The following DENND2C variants were observed in gnomAD, a reference collection of about 807,000 sequenced individuals.
DENND2C encodes the protein DENN domain containing 2C, also known as DENN domain-containing protein 2C.
DENND2C carries 72 observed loss-of-function variants against 112.4 expected under a neutral mutation model. That is an observed-to-expected ratio of 0.64 (90% CI 0.53 to 0.78). The LOEUF (loss-of-function observed/expected upper bound fraction) is 0.78, where lower values mean the gene tolerates loss of function less well. Among genes scored for constraint, DENND2C ranks in the 30% least tolerant of loss-of-function variants. The pLI is 0.00. For missense variants in DENND2C, 992 were observed against 1,113.8 expected (o/e 0.89, Z 1.56); for synonymous variants, 329 against 381.6 (o/e 0.86, Z 1.61).
chr1:114,633,714 C>T (rs763044243), intron 3 of DENND2C, among the ~76,000 whole-genome samples: 3 of 151,810 alleles, frequency 2.0e-5, no homozygotes, highest in Admixed American at 6.6e-5. Context: ...ACCCTAAGAA[C>T]GGTAACAACA....
At chr1:114,593,481 T>C (rs1316402014) in intron 18 of DENND2C, among the ~76,000 whole-genome samples, 1 of 152,196 alleles carries the variant, frequency 6.6e-6, no homozygotes, top group Non-Finnish European at 1.5e-5. Flanking sequence ...TTTTTATTAC[T>C]CCTCTAAATC....
intron 3 of DENND2C, among the ~76,000 whole-genome samples, chr1:114,644,315 ATTTG>A (rs1485665099): frequency 1.3e-5 from 2 of 151,994 alleles, no homozygotes; most frequent in Non-Finnish European, 2.9e-5. Context: ...TGTGTTATTT[ATTTG>A]TTTACTTCTC....
intron 8 of DENND2C, among the ~76,000 whole-genome samples, chr1:114,617,132 C>T (rs1405573410): frequency 1.3e-5 from 2 of 152,112 alleles, no homozygotes; most frequent in Non-Finnish European, 2.9e-5. Flanking sequence ...TATGGGAATT[C>T]TGGGAGATAT....
At chr1:114,659,187 C>G (rs1355243613) in intron 1 of DENND2C, among the ~76,000 whole-genome samples, 1 of 152,108 alleles carries the variant, frequency 6.6e-6, no homozygotes, top group Non-Finnish European at 1.5e-5. Context: ...AAACTTTCTT[C>G]ACTGATAATG....
chr1:114,637,832 T>C (rs1262894541), intron 3 of DENND2C, among the ~76,000 whole-genome samples: 1 of 152,124 alleles, frequency 6.6e-6, no homozygotes, highest in Non-Finnish European at 1.5e-5. Flanking sequence ...TTCAACTTTG[T>C]TACTATAAAA....
intron 10 of DENND2C, among the ~76,000 whole-genome samples, chr1:114,606,222 T>G (rs1359180281): frequency 6.6e-6 from 1 of 152,006 alleles, no homozygotes; most frequent in Non-Finnish European, 1.5e-5. Context: ...TCCTTTAATT[T>G]CTTAAAAAAA....
At chr1:114,590,305 G>A (rs538860315) in intron 18 of DENND2C, among the ~76,000 whole-genome samples, 1 of 152,062 alleles carries the variant, frequency 6.6e-6, no homozygotes, top group South Asian at 2.1e-4. Context: ...AAGGAGGATT[G>A]CTTGAGCATA....
Position 114,595,958 on chromosome 1 carries a change from A to C in DENND2C, c.2284-85T>G, listed in dbSNP as rs568524054. The C allele has an allele frequency of 1.8e-5, 23 of 1,280,980 alleles. No individual in the cohort carries two copies. In the African/African-American group the frequency reaches 3.3e-4, roughly 18 times the overall value. 79.4% of individuals were successfully genotyped at this position (1,280,980 alleles called of 1,614,324 possible). On this transcript the variant is annotated intron_variant, in intron 16 of 20. Coordinates refer to ENST00000393274, the MANE Select transcript of DENND2C (RefSeq NM_001256404.2). The stretch of plus-strand genomic sequence containing the variant: ...ATGAGAATAGTTTTAAACAAAATTT[A>C]CTCAAAGTTTCAGCCCATTTAAAAG...
chr1:114,669,496 T>C (rs149678684), intron 1 of DENND2C, among the ~76,000 whole-genome samples: 1 of 152,354 alleles, frequency 6.6e-6, no homozygotes, highest in Non-Finnish European at 1.5e-5. Flanking sequence ...TTGACAACTT[T>C]CGGTATTGTG....
intron 3 of DENND2C, among the ~76,000 whole-genome samples, chr1:114,641,043 TA>T (rs776032700): frequency 1.3e-3 from 200 of 151,234 alleles, no homozygotes; most frequent in African/African-American, 4.7e-3. Flanking sequence ...TTGGCTTCCT[TA>T]AAAAAAAATC....
chr1:114,595,631 T>C (rs1655322709), intron 17 of DENND2C: 2 of 504,788 alleles, frequency 4.0e-6, no homozygotes, highest in Non-Finnish European at 7.1e-6. Flanking sequence ...CCTTCCTCCT[T>C]TGGGATAGGC....
At chr1:114,652,053 G>A (rs1195739868) in intron 2 of DENND2C, among the ~76,000 whole-genome samples, 1 of 152,138 alleles carries the variant, frequency 6.6e-6, no homozygotes, top group Non-Finnish European at 1.5e-5. Flanking sequence ...ATCCTAGGAG[G>A]GAGCCGACTG....
chr1:114,592,644 C>A (rs771137678), intron 18 of DENND2C, among the ~76,000 whole-genome samples: 11 of 152,110 alleles, frequency 7.2e-5, no homozygotes, highest in Non-Finnish European at 1.5e-4. Flanking sequence ...TGCTTGTGCT[C>A]AGGAGGTCAA....
chr1:114,600,678 C>A, intron 14 of DENND2C, 142 bp downstream of exon 14: 1 of 1,162,126 alleles, frequency 8.6e-7, no homozygotes, highest in South Asian at 1.8e-5. Context: ...CTGGATATTT[C>A]TCCAGTGCTT....
At chr1:114,594,340 C>A in intron 18 of DENND2C, 133 bp downstream of exon 18, 1 of 693,024 alleles carries the variant, frequency 1.4e-6, no homozygotes, top group East Asian at 2.6e-5. Context: ...AGCAAGGAAG[C>A]TGATTATAGG....
intron 3 of DENND2C, among the ~76,000 whole-genome samples, chr1:114,640,875 TTAA>T (rs1374539948): frequency 6.6e-6 from 1 of 152,180 alleles, no homozygotes; most frequent in African/African-American, 2.4e-5. Context: ...TGCAGATATT[TTAA>T]TAACAAACAG....
chr1:114,667,206 C>T (rs1012954557), intron 1 of DENND2C, among the ~76,000 whole-genome samples: 3 of 152,292 alleles, frequency 2.0e-5, no homozygotes, highest in Admixed American at 1.3e-4. Context: ...CCCTACCACA[C>T]GCAGAATGAT....
chr1:114,622,850 T>TA (rs1656203764), intron 6 of DENND2C, 137 bp downstream of exon 6: 44 of 482,066 alleles, frequency 9.1e-5, no homozygotes, highest in Middle Eastern at 6.1e-4. Flanking sequence ...AAAACAAAAA[T>TA]TAAAAAAACT....
chr1:114,602,439 CA>C (rs1655538503), intron 11 of DENND2C, among the ~76,000 whole-genome samples: 1 of 152,202 alleles, frequency 6.6e-6, no homozygotes, highest in South Asian at 2.1e-4. Flanking sequence ...AAGGAATGCC[CA>C]GGCCTTAAGA....
Sources: gnomAD v4.1 joint callset for allele counts (sites outside exome capture counted in the v4.1 genomes callset) on GRCh38, gnomAD v4.1.1 for gene constraint, MANE v1.5 for transcripts, NCBI Gene and HGNC (gene_info 2026-07-23, HGNC 2026-07-21) for gene names.